The following POLD3 variants were observed in gnomAD, a reference collection of about 807,000 sequenced individuals.
The protein encoded by POLD3 is DNA polymerase delta subunit 3.
Under a neutral mutation model 58.2 loss-of-function variants are expected in POLD3, and 19 were observed. That is an observed-to-expected ratio of 0.33 (90% CI 0.23 to 0.48). The LOEUF is 0.48. Among genes scored for constraint, POLD3 ranks in the 20% least tolerant of loss-of-function variants. The probability of loss-of-function intolerance (pLI) is 0.99; values close to 1 mark genes in which losing one functional copy is unlikely to be tolerated. For synonymous variants in POLD3, 172 were observed against 193.5 expected, an observed-to-expected ratio of 0.89 and a Z score of 0.92; for missense variants, 504 against 545.5, an observed-to-expected ratio of 0.92 and a Z score of 0.76.
At chr11:74,614,366 G>T (rs2032012472) in intron 5 of POLD3, among the ~76,000 whole-genome samples, 1 of 152,160 alleles carries the variant, frequency 6.6e-6, no homozygotes, top group African/African-American at 2.4e-5. Flanking sequence ...ATGTGAAGTT[G>T]TGCTGTTGGG....
At position 74,659,341 on chromosome 11, in the gene POLD3, G is replaced by A. The variant is rs558236330; in HGVS notation, c.370-9436G>A. Among the ~76,000 whole-genome samples, 11 of 152,232 alleles carry A rather than the reference G, an allele frequency of 7.2e-5. No homozygotes were observed. The South Asian group carries it at 2.3e-3, about 32-fold the overall frequency. ...CCACTTTTTCCTCCTGGGCCTCTGG[G>A]CCTGTGATGGGAGGGGCTGCCGTAA... is the stretch of plus-strand genomic sequence containing the variant. On this transcript the variant is annotated intron_variant, in intron 4 of 4. Transcript: ENST00000524752.
intron 7 of POLD3, among the ~76,000 whole-genome samples, chr11:74,624,375 A>G (rs902952540): frequency 6.6e-6 from 1 of 152,228 alleles, no homozygotes; most frequent in South Asian, 2.1e-4. Context: ...AGAAAAGTAT[A>G]AATAGATTGC....
intron 5 of POLD3, among the ~76,000 whole-genome samples, chr11:74,613,865 G>T (rs758302512): frequency 6.6e-6 from 1 of 152,216 alleles, no homozygotes; most frequent in Non-Finnish European, 1.5e-5. Context: ...GGGGGAAGAT[G>T]TTGGCAGGGG....
rs2032942590 is a variant in POLD3, at chr11:74,642,623, G to A, written c.*1857G>A. On this transcript the variant is annotated 3_prime_UTR_variant, in exon 12 of 12. Transcript: ENST00000263681. ...CAATATGCTGCCTCAACTCTGAGCT[G>A]TCTGCAAGGCTTAGTAAGTATTGAG... is the stretch of plus-strand genomic sequence containing the variant. 5.1e-6 allele frequency: 5 copies of A among 984,384 alleles called. No individual in the cohort carries two copies. Among genetic ancestry groups the A allele is most frequent in the Non-Finnish European group, 6.0e-6 (5 of 829,218 alleles). 61.0% of individuals were successfully genotyped at this position (984,384 alleles called of 1,614,324 possible).
chr11:74,598,293 T>G (rs1210393085), intron 2 of POLD3, among the ~76,000 whole-genome samples: 1 of 152,212 alleles, frequency 6.6e-6, no homozygotes, highest in African/African-American at 2.4e-5. Context: ...ATCATTTTTT[T>G]GCACATGGGT....
At chr11:74,618,276 A>G (rs1415659061) in intron 5 of POLD3, among the ~76,000 whole-genome samples, 2 of 152,140 alleles carry the variant, frequency 1.3e-5, no homozygotes, top group Non-Finnish European at 2.9e-5. Flanking sequence ...CCTAATTCCA[A>G]TCCTATCTAT....
At chr11:74,640,500 C>A in intron 11 of POLD3, 64 bp from the exon 12 acceptor site, 10 of 1,447,732 alleles carry the variant, frequency 6.9e-6, no homozygotes, top group Non-Finnish European at 9.1e-6. Flanking sequence ...GCAAGACATC[C>A]CATTTTCTTC....
intron 7 of POLD3, among the ~76,000 whole-genome samples, chr11:74,620,612 C>CT (rs541987959): frequency 6.6e-6 from 1 of 152,082 alleles, no homozygotes. Flanking sequence ...ATTTAAAAAT[C>CT]TTTTTTGAGA....
chr11:74,633,398 A>G (rs934684967), intron 9 of POLD3, among the ~76,000 whole-genome samples: 1 of 152,096 alleles, frequency 6.6e-6, no homozygotes, highest in Non-Finnish European at 1.5e-5. Context: ...TTTTATACTT[A>G]AAGTGTGTAA....
At chr11:74,660,671 G>GT (rs1434368923) in intron 4 of POLD3, among the ~76,000 whole-genome samples, 1 of 151,948 alleles carries the variant, frequency 6.6e-6, no homozygotes, top group African/African-American at 2.4e-5. Context: ...ATGAGATCTG[G>GT]TTGTTTAAAA....
intron 9 of POLD3, among the ~76,000 whole-genome samples, chr11:74,632,085 A>G (rs2032610824): frequency 6.6e-6 from 1 of 152,216 alleles, no homozygotes; most frequent in Non-Finnish European, 1.5e-5. Context: ...TTTAACTGAT[A>G]TAGTTAAGTC....
chr11:74,666,959 T>TAA (rs34863947), intron 4 of POLD3, among the ~76,000 whole-genome samples: 26 of 137,370 alleles, frequency 1.9e-4, no homozygotes, highest in African/African-American at 6.9e-4. Context: ...TTAAAGTTGC[T>TAA]AAAAAAAAAA....
At chr11:74,622,051 T>C (rs894497318) in intron 7 of POLD3, among the ~76,000 whole-genome samples, 1 of 129,974 alleles carries the variant, frequency 7.7e-6, no homozygotes, top group African/African-American at 3.0e-5. Flanking sequence ...CCCCAGAGTG[T>C]GATGTTCCCC....
At position 74,640,537 on chromosome 11, in the gene POLD3, T is replaced by C. The variant is rs186518844; in HGVS notation, c.1199-27T>C. On this transcript the variant is annotated intron_variant, in intron 11 of 11. Transcript: ENST00000263681. Reference sequence around the variant, plus strand: ...TAGAGTAAATGATTCAGCCCACCCATGTTCCATTTTTTTCTCATCCTACCA... The same window carrying C: ...TAGAGTAAATGATTCAGCCCACCCACGTTCCATTTTTTTCTCATCCTACCA... 2.1e-3 allele frequency: 3,072 copies of C among 1,482,276 alleles called. 7 individuals carry two copies. Among genetic ancestry groups the C allele is most frequent in the Non-Finnish European group, 2.5e-3 (2,740 of 1,116,014 alleles). The allele number at this position is 1,482,276 out of a possible 1,614,324, so 91.8% of individuals were successfully genotyped here.
Position 74,633,473 on chromosome 11 carries a change from AC to A in POLD3, c.1007-1109del, listed in dbSNP as rs570177030. On this transcript the variant is annotated intron_variant, in intron 9 of 11. Coordinates refer to ENST00000263681, the MANE Select transcript of POLD3 (RefSeq NM_006591.3). ...TAGGCCATTTGGCCTTGAACTCTTC[AC>A]TGTCATAATTTTTAACACTGACCTA... Among the ~76,000 whole-genome samples, 40 of 152,220 alleles carry A rather than the reference AC, an allele frequency of 2.6e-4. No individual in the cohort carries two copies. In the East Asian group the frequency reaches 7.2e-3, roughly 27 times the overall value.
At chr11:74,602,025 A>G (rs2031516645) in intron 2 of POLD3, among the ~76,000 whole-genome samples, 1 of 152,186 alleles carries the variant, frequency 6.6e-6, no homozygotes, top group East Asian at 1.9e-4. Flanking sequence ...CAGAACAAGA[A>G]GGGTCTTACC....
intron 4 of POLD3, among the ~76,000 whole-genome samples, chr11:74,667,721 A>G (rs533767931): frequency 6.6e-6 from 1 of 152,368 alleles, no homozygotes; most frequent in East Asian, 1.9e-4. Flanking sequence ...ACAACACCAA[A>G]GCATAAGCAA....
At chr11:74,617,424 CAGA>C (rs1379751425) in intron 5 of POLD3, among the ~76,000 whole-genome samples, 8 of 152,130 alleles carry the variant, frequency 5.3e-5, no homozygotes, top group Non-Finnish European at 8.8e-5. Flanking sequence ...CATTTTGAGA[CAGA>C]GTATTGCTGT....
At chr11:74,650,175 G>A (rs1436459407) in intron 4 of POLD3, among the ~76,000 whole-genome samples, 1 of 152,214 alleles carries the variant, frequency 6.6e-6, no homozygotes, top group Non-Finnish European at 1.5e-5. Flanking sequence ...ACCTGTGTGA[G>A]AAAAATGAGT....
Sources: allele counts gnomAD v4.1 joint callset (sites outside exome capture counted in the v4.1 genomes callset), GRCh38; gene constraint gnomAD v4.1.1; transcripts MANE v1.5; gene names NCBI Gene and HGNC (gene_info 2026-07-23, HGNC 2026-07-21).